ABI1: variants seen among roughly 807,000 people sequenced by gnomAD.
The protein encoded by ABI1 is abl interactor 1, also known as Abelson interactor 1.
ABI1 carries 14 observed loss-of-function variants against 54.6 expected under a neutral mutation model. The observed-to-expected ratio is 0.26, with a 90% CI of 0.17 to 0.40. The LOEUF is 0.40. Among genes scored for constraint, ABI1 ranks in the 10% least tolerant of loss-of-function variants. ABI1 has a pLI of 1.00. For missense variants in ABI1, 443 were observed against 598.3 expected (o/e 0.74, Z 2.71); for synonymous variants, 194 against 209.3 (o/e 0.93, Z 0.63).
Position 26,860,366 on chromosome 10 carries a change from C to G in ABI1, c.117+381G>C, listed in dbSNP as rs993199112. On this transcript the variant is annotated intron_variant, in intron 1 of 10. Coordinates refer to ENST00000376140, the MANE Select transcript of ABI1 (RefSeq NM_001012750.3). The surrounding 1 kb of genome is among the most constrained non-coding windows in gnomAD (Gnocchi z 4.1). ...GCGCAGAGAGGCGGCGCGGCGGCAG[C>G]TCGGGGGTATTCCGGGACTCCAGCC... 6.6e-6 allele frequency among the ~76,000 whole-genome samples: 1 copy of G among 152,090 alleles called. No individual in the cohort carries two copies. The highest frequency in any genetic ancestry group is 2.4e-5 in the African/African-American group (1 of 41,396).
intron 2 of ABI1, among the ~76,000 whole-genome samples, chr10:26,798,645 G>GC (rs143717986): frequency 0.02 from 3,113 of 152,086 alleles, 74 homozygotes; most frequent in African/African-American, 0.065. Flanking sequence ...ATTTGTTACA[G>GC]CAACTATAGG....
At chr10:26,798,675 G>A (rs868357544) in intron 2 of ABI1, among the ~76,000 whole-genome samples, 2 of 152,074 alleles carry the variant, frequency 1.3e-5, no homozygotes, top group South Asian at 4.1e-4. Flanking sequence ...CGCACACACT[G>A]AGGTGGGGTT....
chr10:26,792,974 A>G (rs938798358), intron 2 of ABI1, among the ~76,000 whole-genome samples: 1 of 152,232 alleles, frequency 6.6e-6, no homozygotes, highest in South Asian at 2.1e-4. Context: ...GGAAAGAAGT[A>G]TGACATAGCA....
intron 2 of ABI1, among the ~76,000 whole-genome samples, chr10:26,801,386 A>C (rs902026238): frequency 1.3e-5 from 2 of 152,094 alleles, no homozygotes; most frequent in African/African-American, 2.4e-5. Flanking sequence ...GTCTCTACAA[A>C]AAATACAAAA....
intron 9 of ABI1, among the ~76,000 whole-genome samples, chr10:26,754,323 A>G (rs531205102): frequency 5.9e-5 from 9 of 151,976 alleles, no homozygotes; most frequent in Non-Finnish European, 8.8e-5. Flanking sequence ...CTAATTTTTT[A>G]TTTTTTTGTA....
chr10:26,755,681 C>T lies in ABI1; in HGVS notation c.1058G>A (p.Gly353Asp). 6.2e-7 allele frequency: 1 copy of T among 1,613,382 alleles called. No homozygotes were observed. The highest frequency in any genetic ancestry group is 8.5e-7 in the Non-Finnish European group (1 of 1,179,560). The change falls in exon 9 of 11, where the codon GGC becomes GAC. Residue 353 changes from glycine to aspartate, a missense_variant. Transcript: ENST00000376140. ...PQLTPQIPLT[G>D]FVARVQENIA... is the part of the protein sequence containing the mutation. ...GTTTTCCTGCACCCTGGCCACGAAG[C>T]CTGTGAGAGGTATCTGTGGAGTCAA...
At chr10:26,804,589 A>G (rs1402829011) in intron 2 of ABI1, among the ~76,000 whole-genome samples, 2 of 152,220 alleles carry the variant, frequency 1.3e-5, no homozygotes, top group African/African-American at 4.8e-5. Flanking sequence ...GAGATTGAAT[A>G]TAAGAGAAAA....
intron 10 of ABI1, among the ~76,000 whole-genome samples, chr10:26,749,587 G>C (rs968418378): frequency 2.6e-5 from 4 of 152,190 alleles, no homozygotes; most frequent in African/African-American, 9.7e-5. Flanking sequence ...GTCAGGTGTG[G>C]AATTTTCCAC....
chr10:26,839,374 T>C (rs1232020503), intron 1 of ABI1, among the ~76,000 whole-genome samples: 1 of 152,086 alleles, frequency 6.6e-6, no homozygotes, highest in African/African-American at 2.4e-5. Context: ...CATGAGCCTA[T>C]AGTCCTAGCT....
At chr10:26,823,602 A>C (rs1426480957) in intron 1 of ABI1, among the ~76,000 whole-genome samples, 1 of 152,068 alleles carries the variant, frequency 6.6e-6, no homozygotes, top group Non-Finnish European at 1.5e-5. Context: ...CCTTTCCATC[A>C]CCAATTCACT....
rs768209793 is a variant in ABI1 at position 26,860,777 on chromosome 10, C to A, written c.87G>T (p.Val29=). ...LIESYQNLTR[V]ADYCENNYIQ... is the part of the protein sequence containing the mutation. ...TGTAGTTGTTTTCACAGTAGTCTGC[C>A]ACCCGAGTCAGGTTCTGGTAACTCT... is the stretch of plus-strand genomic sequence containing the variant. Residue 29 remains valine (V), a synonymous_variant, in exon 1 of 11, where the codon GTG becomes GTT. Transcript: ENST00000376140. This position sits in a 1 kb window ranked among gnomAD's most constrained non-coding sequence, Gnocchi z 4.1. The A allele has an allele frequency of 6.2e-7, 1 of 1,614,162 alleles. No homozygotes were observed. The highest frequency in any genetic ancestry group is 8.5e-7 in the Non-Finnish European group (1 of 1,180,014).
intron 8 of ABI1, among the ~76,000 whole-genome samples, chr10:26,758,236 A>C (rs1045513496): frequency 1.1e-4 from 17 of 152,170 alleles, no homozygotes; most frequent in African/African-American, 4.1e-4. Context: ...ATGTGGCTCT[A>C]GAAAGAGCCA....
chr10:26,854,271 T>C (rs1459584755), intron 1 of ABI1, among the ~76,000 whole-genome samples: 1 of 152,184 alleles, frequency 6.6e-6, no homozygotes, highest in Non-Finnish European at 1.5e-5. Context: ...AAGCTGTTAT[T>C]AGTATTAAAG....
intron 2 of ABI1, among the ~76,000 whole-genome samples, chr10:26,788,023 C>A (rs1388988944): frequency 6.6e-6 from 1 of 152,192 alleles, no homozygotes; most frequent in African/African-American, 2.4e-5. Context: ...CAAATCTCAT[C>A]TTGAATTGTA....
In ABI1 at chr10:26,848,858, C is replaced by T. The variant is rs554031134; in HGVS notation, c.117+11889G>A. 7.9e-5 allele frequency among the ~76,000 whole-genome samples: 12 copies of T among 152,328 alleles called. No individual in the cohort carries two copies. In the East Asian group the frequency reaches 1.9e-3, roughly 24 times the overall value. On this transcript the variant is annotated intron_variant, in intron 1 of 10. Transcript: ENST00000376140. ...TCCTGACCTCAGGTGACCCACTCAC[C>T]TTGGCCTCCCAAAGTGCTGGGATTA...
intron 4 of ABI1, among the ~76,000 whole-genome samples, chr10:26,770,736 A>C (rs1403215198): frequency 6.6e-6 from 1 of 152,226 alleles, no homozygotes; most frequent in Admixed American, 6.5e-5. Context: ...AATCATCTTC[A>C]TCCTAACAAT....
At chr10:26,794,477 T>C (rs944837743) in intron 2 of ABI1, among the ~76,000 whole-genome samples, 1 of 151,510 alleles carries the variant, frequency 6.6e-6, no homozygotes, top group Non-Finnish European at 1.5e-5. Context: ...TGACTAAGAG[T>C]TGAGTTCAGG....
At chr10:26,780,507 G>A (rs1841974313) in intron 2 of ABI1, among the ~76,000 whole-genome samples, 1 of 152,204 alleles carries the variant, frequency 6.6e-6, no homozygotes, top group Non-Finnish European at 1.5e-5. Flanking sequence ...GGTTTTGGTA[G>A]CACCAAAATT....
chr10:26,833,342 C>T (rs1228248948), intron 1 of ABI1, among the ~76,000 whole-genome samples: 5 of 152,096 alleles, frequency 3.3e-5, no homozygotes, highest in African/African-American at 7.2e-5. Context: ...AATCTGTATC[C>T]CCAGGGTATT....
Sources: allele counts gnomAD v4.1 joint callset (sites outside exome capture counted in the v4.1 genomes callset), GRCh38; gene constraint gnomAD v4.1.1; non-coding constraint Gnocchi (gnomAD v3.1); transcripts MANE v1.5; gene names NCBI Gene and HGNC (gene_info 2026-07-23, HGNC 2026-07-21).